The following SMC6 variants were observed in gnomAD, a reference collection of about 807,000 sequenced individuals.
SMC6 encodes structural maintenance of chromosomes protein 6.
SMC6 carries 79 observed loss-of-function variants against 142.2 expected under a neutral mutation model. That is an observed-to-expected ratio of 0.56 (90% CI 0.46 to 0.67). The LOEUF (loss-of-function observed/expected upper bound fraction) is 0.67, where lower values mean the gene tolerates loss of function less well. SMC6 is among the 30% of genes least tolerant of loss of function. The pLI, the probability that SMC6 is intolerant of heterozygous loss-of-function variation, is 0.00. For missense variants in SMC6, 1,072 were observed against 1,284.0 expected (o/e 0.83, Z 2.52); for synonymous variants, 411 against 412.4 (o/e 1.00, Z 0.04).
At position 17,696,270 on chromosome 2, in the gene SMC6, G is replaced by C; in HGVS notation, c.2532+19C>G. ...GCTAAGGCTGAAAACAAAATAACTT[G>C]AAAAAAATGGTGAAAAACCTCTAGT... On this transcript the variant is annotated intron_variant, in intron 22 of 27. Coordinates refer to ENST00000448223, the MANE Select transcript of SMC6 (RefSeq NM_001142286.2). The C allele has an allele frequency of 6.3e-7, 1 of 1,576,932 alleles. No homozygotes were observed. Among genetic ancestry groups the C allele is most frequent in the South Asian group, 1.2e-5 (1 of 83,886 alleles).
intron 23 of SMC6, 149 bp from the exon 24 acceptor site, chr2:17,683,912 C>A: frequency 1.4e-6 from 1 of 704,896 alleles, no homozygotes; most frequent in South Asian, 1.7e-5. Context: ...AATTTCCAGG[C>A]AAATTACACT....
At chr2:17,739,879 A>ACACAC (rs1670352154) in intron 4 of SMC6, among the ~76,000 whole-genome samples, 2 of 115,456 alleles carry the variant, frequency 1.7e-5, no homozygotes, top group African/African-American at 3.3e-5. Context: ...GAATATGGTA[A>ACACAC]ACACACACAC....
chr2:17,749,222 G>A (rs1182534078), intron 2 of SMC6, among the ~76,000 whole-genome samples: 1 of 151,928 alleles, frequency 6.6e-6, no homozygotes, highest in Admixed American at 6.5e-5. Context: ...ATAAAAAAAG[G>A]AGAAAAAAGC....
At chr2:17,697,877 T>C (rs1668083752) in intron 21 of SMC6, among the ~76,000 whole-genome samples, 1 of 152,062 alleles carries the variant, frequency 6.6e-6, no homozygotes. Context: ...TACAAAAACT[T>C]GTACATGAAT....
intron 12 of SMC6, among the ~76,000 whole-genome samples, chr2:17,717,479 G>A (rs982293316): frequency 1.3e-5 from 2 of 151,778 alleles, no homozygotes; most frequent in Non-Finnish European, 2.9e-5. Context: ...AGACCACCCT[G>A]GCTAACATGG....
Position 17,703,196 on chromosome 2 carries a change from T to C in SMC6, c.2103A>G (p.Glu701=). 1 of 1,545,642 alleles carries C rather than the reference T, an allele frequency of 6.5e-7. No homozygotes were observed. Among genetic ancestry groups the C allele is most frequent in the Non-Finnish European group, 8.9e-7 (1 of 1,125,432 alleles). The part of the protein sequence containing the change: ...ALEKDIKHNE[E]LLKRCQLHYK... ...AATGTAGTTGGCACCTTTTAAGAAGTTCCTCATTGTGTTTAATATCTTTTT... is the reference window on the plus strand; with the variant it reads ...AATGTAGTTGGCACCTTTTAAGAAGCTCCTCATTGTGTTTAATATCTTTTT... The change falls in exon 19 of 28, where the codon GAA becomes GAG. Residue 701 remains glutamate, a synonymous_variant. Transcript: ENST00000448223.
chr2:17,704,770 T>C (rs1478504621), intron 18 of SMC6, among the ~76,000 whole-genome samples: 1 of 151,874 alleles, frequency 6.6e-6, no homozygotes, highest in Non-Finnish European at 1.5e-5. Context: ...ATTTTTAAAT[T>C]ACAAAAAAAG....
At chr2:17,668,461 C>T (rs1666605550) in intron 26 of SMC6, among the ~76,000 whole-genome samples, 1 of 151,990 alleles carries the variant, frequency 6.6e-6, no homozygotes. Flanking sequence ...AGCTGATAAC[C>T]TCAAAATGGT....
At chr2:17,725,463 G>A in intron 8 of SMC6, 105 bp from the exon 9 acceptor site, 1 of 647,242 alleles carries the variant, frequency 1.5e-6, no homozygotes. Flanking sequence ...TTAGATCAAT[G>A]ATGTAAAAAG....
intron 23 of SMC6, among the ~76,000 whole-genome samples, chr2:17,687,755 G>T (rs1232983126): frequency 6.6e-6 from 1 of 151,814 alleles, no homozygotes; most frequent in African/African-American, 2.4e-5. Flanking sequence ...CCCTCAAAGA[G>T]AAATTAAATA....
At chr2:17,719,065 G>A (rs898124527) in intron 11 of SMC6, among the ~76,000 whole-genome samples, 1 of 152,142 alleles carries the variant, frequency 6.6e-6, no homozygotes, top group African/African-American at 2.4e-5. Flanking sequence ...GAACTATTTC[G>A]ATCGGGGTCA....
intron 2 of SMC6, 162 bp from the exon 3 acceptor site, chr2:17,746,113 A>T: frequency 1.5e-6 from 1 of 655,064 alleles, no homozygotes. Context: ...ACTAAGGAAG[A>T]GGGACATGAG....
intron 18 of SMC6, among the ~76,000 whole-genome samples, chr2:17,706,255 AT>A (rs1168526569): frequency 3.3e-5 from 5 of 152,306 alleles, no homozygotes; most frequent in African/African-American, 9.6e-5. Context: ...GCTGGTAATC[AT>A]TCTAAGGGTT....
chr2:17,731,639 C>A, intron 6 of SMC6, 102 bp downstream of exon 6: 1 of 1,146,718 alleles, frequency 8.7e-7, no homozygotes, highest in Non-Finnish European at 1.3e-6. Context: ...CACAACCAAT[C>A]ATGTTACAAG....
chr2:17,728,968 T>C (rs1669769144), intron 7 of SMC6, among the ~76,000 whole-genome samples: 1 of 152,140 alleles, frequency 6.6e-6, no homozygotes, highest in Admixed American at 6.5e-5. Flanking sequence ...CAGCCTGGTC[T>C]TGAACTCCTG....
In SMC6 at chr2:17,665,605, G is replaced by A. The variant is rs1666459682; in HGVS notation, c.3170C>T (p.Pro1057Leu). 2 of 1,597,546 alleles carry A rather than the reference G, an allele frequency of 1.3e-6. No homozygotes were observed. Among genetic ancestry groups the A allele is most frequent in the Non-Finnish European group, 1.7e-6 (2 of 1,170,108 alleles). The change falls in exon 28 of 28, where the codon CCA (proline) becomes CTA (leucine). Residue 1057 changes from proline to leucine, a missense_variant. Around this residue, in one of 3 missense-constraint regions of SMC6, gnomAD observed 76 missense variants for 112.3 expected, o/e 0.68. Coordinates refer to ENST00000448223, the MANE Select transcript of SMC6 (RefSeq NM_001142286.2). ...GAGAATTCTTATCAGTTTACTGGAT[G>A]GAAGTGAACTAGAAGAAGCAAAATC... ...LLTPQSMSSLPSSKLIRILRM... is the reference protein window; with the variant it reads ...LLTPQSMSSLLSSKLIRILRM...
chr2:17,676,660 C>T (rs1227696835), intron 25 of SMC6, among the ~76,000 whole-genome samples: 1 of 152,100 alleles, frequency 6.6e-6, no homozygotes, highest in Non-Finnish European at 1.5e-5. Flanking sequence ...CTTAATAATA[C>T]TGAGTCTTCT....
In SMC6 at chr2:17,714,261, A is replaced by T. The variant is rs147827579; in HGVS notation, c.1730+600T>A. ...CAGGCACACACGACCAAGCCTGGCT[A>T]TTTTTTTGTATTTTTGGTAGACAGG... is the stretch of plus-strand genomic sequence containing the variant. On this transcript the variant is annotated intron_variant, in intron 16 of 27. Transcript: ENST00000448223. Among the ~76,000 whole-genome samples the T allele has an allele frequency of 3.6e-4, 54 of 151,700 alleles. 1 individual carries two copies. In the South Asian group the frequency reaches 9.6e-3, roughly 27 times the overall value.
At chr2:17,739,985 C>T (rs1670362516) in intron 4 of SMC6, among the ~76,000 whole-genome samples, 1 of 151,294 alleles carries the variant, frequency 6.6e-6, no homozygotes, top group Non-Finnish European at 1.5e-5. Flanking sequence ...CTATTATTAG[C>T]CCATTATCTT....
Sources: gnomAD v4.1 joint callset for allele counts (sites outside exome capture counted in the v4.1 genomes callset) on GRCh38, gnomAD v4.1.1 for gene constraint, gnomAD v4.1.1 regional missense constraint, MANE v1.5 for transcripts, NCBI Gene and HGNC (gene_info 2026-07-23, HGNC 2026-07-21) for gene names.